Variants in UGT1A9 observed in about 807,000 individuals in gnomAD.
UGT1A9 encodes UDP-glucuronosyltransferase 1A9.
In UGT1A9, 35 loss-of-function variants were observed where a neutral mutation model predicts 45.0. The ratio of observed to expected loss-of-function variants is 0.78; its 90% CI spans 0.59 to 1.03. The LOEUF is 1.03. Ranked by LOEUF, UGT1A9 falls within the 50% of genes least tolerant of loss-of-function variation. The pLI is 0.00. For missense variants in UGT1A9, 687 were observed against 666.6 expected (o/e 1.03, Z -0.34); for synonymous variants, 278 against 250.6 (o/e 1.11, Z -1.03).
At position 233,673,547 on chromosome 2, in the gene UGT1A9, T is replaced by C. The variant is rs371057259; in HGVS notation, c.855+758T>C. 6.6e-5 allele frequency among the ~76,000 whole-genome samples: 10 copies of C among 152,272 alleles called. No individual in the cohort carries two copies. The East Asian group carries it at 1.9e-3, about 29-fold the overall frequency. On this transcript the variant is annotated intron_variant, in intron 1 of 4. Coordinates refer to ENST00000354728, the MANE Select transcript of UGT1A9 (RefSeq NM_021027.3). ...CAGGATTTCCATGAATTGAGAAGGA[T>C]TGGCATTTTTTTGCTATTGTGTCTT...
intron 1 of UGT1A9, among the ~76,000 whole-genome samples, chr2:233,758,520 T>A (rs1404036248): frequency 1.3e-5 from 2 of 152,094 alleles, no homozygotes; most frequent in African/African-American, 4.8e-5. Context: ...CAACAAAGAG[T>A]GAAAGCATTG....
rs751408172 is a variant in UGT1A9, at chr2:233,768,227, G to C, written c.1083G>C (p.Pro361=). Residue 361 remains proline, a synonymous_variant, in exon 4 of 5, where the codon CCG becomes CCC. Coordinates refer to ENST00000354728, the MANE Select transcript of UGT1A9 (RefSeq NM_021027.3). ...CCCTATTTTGCATCTCAGGTCACCCGATGACCCGTGCCTTTATCACCCATG... is the reference window on the plus strand; with the variant it reads ...CCCTATTTTGCATCTCAGGTCACCCCATGACCCGTGCCTTTATCACCCATG... ...WLPQNDLLGH[P]MTRAFITHAG... The C allele has an allele frequency of 5.0e-6, 8 of 1,614,014 alleles. No homozygotes were observed. The African/African-American group carries it at 8.0e-5, about 16-fold the overall frequency.
intron 1 of UGT1A9, chr2:233,747,764 C>A: frequency 6.2e-7 from 1 of 1,613,426 alleles, no homozygotes; most frequent in Non-Finnish European, 8.5e-7. Context: ...ACTTTAAGGG[C>A]ACACAGTGTC....
At position 233,732,958 on chromosome 2, in the gene UGT1A9, C is replaced by T. The variant is rs75520741; in HGVS notation, c.856-34076C>T. Among the ~76,000 whole-genome samples, 102 of 152,154 alleles carry T rather than the reference C, an allele frequency of 6.7e-4. 1 individual carries two copies. Among genetic ancestry groups the T allele is most frequent in the Non-Finnish European group, 1.2e-3 (82 of 67,996 alleles). ...TATCCATGAGCATGGAATGTTCTTC[C>T]ATTTGTTTGTGTCTTCTTTTATTTC... On this transcript the variant is annotated intron_variant, in intron 1 of 4. Coordinates refer to ENST00000354728, the MANE Select transcript of UGT1A9 (RefSeq NM_021027.3).
chr2:233,719,009 A>G (rs762473757), intron 1 of UGT1A9: 43 of 1,614,078 alleles, frequency 2.7e-5, no homozygotes, highest in Admixed American at 2.3e-4. Flanking sequence ...TCCTCACCCC[A>G]GAGGTGAATA....
At chr2:233,765,308 T>A (rs746475199) in intron 1 of UGT1A9, among the ~76,000 whole-genome samples, 3 of 152,234 alleles carry the variant, frequency 2.0e-5, no homozygotes, top group Non-Finnish European at 4.4e-5. Flanking sequence ...CATGCACATA[T>A]TTGTTTATTG....
intron 1 of UGT1A9, chr2:233,747,755 C>T: frequency 6.2e-7 from 1 of 1,613,468 alleles, no homozygotes; most frequent in Non-Finnish European, 8.5e-7. Context: ...GTGATTTAGA[C>T]TTTAAGGGCA....
rs763548038 is a variant in UGT1A9, at chr2:233,772,319, G to T, written c.1353G>T (p.Pro451=). Residue 451 remains proline, a synonymous_variant, in exon 5 of 5, where the codon CCG becomes CCT. Coordinates refer to ENST00000354728, the MANE Select transcript of UGT1A9 (RefSeq NM_021027.3). ...SSLHKDRPVE[P]LDLAVFWVEF... ...TTCACAAGGACCGCCCGGTGGAGCC[G>T]CTGGACCTGGCCGTGTTCTGGGTGG... 6.2e-7 allele frequency: 1 copy of T among 1,614,164 alleles called. No homozygotes were observed. The highest frequency in any genetic ancestry group is 8.5e-7 in the Non-Finnish European group (1 of 1,180,030).
rs566107268 is a variant in UGT1A9, at chr2:233,719,129, AG to A, written c.855+46341del. 2.1e-4 allele frequency: 332 copies of A among 1,614,276 alleles called. No individual in the cohort carries two copies. The Middle Eastern group carries it at 2.1e-3, about 10-fold the overall frequency. On this transcript the variant is annotated intron_variant, in intron 1 of 4. Coordinates refer to ENST00000354728, the MANE Select transcript of UGT1A9 (RefSeq NM_021027.3). ...GCTACACTCAAGGGTTCTTTGAAAC[AG>A]AACATCTTCTGAAGAGATATTCTAG... is the stretch of plus-strand genomic sequence containing the variant.
chr2:233,743,984 C>T (rs1692627890), intron 1 of UGT1A9: 2 of 1,291,724 alleles, frequency 1.5e-6, no homozygotes, highest in South Asian at 1.3e-5. Context: ...CACCCAGGCG[C>T]AGGCCCGAGT....
intron 1 of UGT1A9, chr2:233,713,866 T>C (rs1467749451): frequency 2.5e-6 from 4 of 1,613,892 alleles, no homozygotes; most frequent in Non-Finnish European, 3.4e-6. Flanking sequence ...CAGGTCTGTA[T>C]TGGTGCCTTT....
At chr2:233,767,733 C>A in intron 2 of UGT1A9, 116 bp from the exon 3 acceptor site, 1 of 1,566,288 alleles carries the variant, frequency 6.4e-7, no homozygotes, top group Non-Finnish European at 8.7e-7. Flanking sequence ...CTGATCCTCC[C>A]ACTCTGTTAA....
intron 1 of UGT1A9, among the ~76,000 whole-genome samples, chr2:233,733,071 A>G (rs1267535040): frequency 6.6e-6 from 1 of 152,128 alleles, no homozygotes; most frequent in African/African-American, 2.4e-5. Context: ...TCTTTGTAGC[A>G]ATTGTGAATG....
At chr2:233,701,516 T>C (rs1007365654) in intron 1 of UGT1A9, among the ~76,000 whole-genome samples, 21 of 152,106 alleles carry the variant, frequency 1.4e-4, no homozygotes, top group Non-Finnish European at 2.6e-4. Flanking sequence ...TACAGAACTC[T>C]CCACCCCAAA....
chr2:233,748,135 T>C (rs1220195478), intron 1 of UGT1A9: 2 of 1,609,160 alleles, frequency 1.2e-6, no homozygotes, highest in South Asian at 1.1e-5. Flanking sequence ...TTTTTAAAAA[T>C]TGTATTTACT....
At chr2:233,713,841 G>A (rs754082390) in intron 1 of UGT1A9, 101 of 1,614,008 alleles carry the variant, frequency 6.3e-5, no homozygotes, top group East Asian at 1.1e-4. Flanking sequence ...CTGTGCCAAC[G>A]GGAAGCCACT....
intron 1 of UGT1A9, among the ~76,000 whole-genome samples, chr2:233,706,653 C>T (rs940333548): frequency 1.3e-5 from 2 of 152,184 alleles, no homozygotes; most frequent in African/African-American, 4.8e-5. Flanking sequence ...TGCCCCATCA[C>T]TGTAGGTCTG....
chr2:233,685,319 C>T (rs915845049), intron 1 of UGT1A9, among the ~76,000 whole-genome samples: 2 of 152,088 alleles, frequency 1.3e-5, no homozygotes, highest in South Asian at 4.1e-4. Context: ...AGGTGTGAAC[C>T]ACCACACCCG....
Position 233,672,599 on chromosome 2 carries a change from G to GT in UGT1A9, c.671dup (p.Lys225GlnfsTer9), listed in dbSNP as rs773814470. 2.5e-6 allele frequency: 4 copies of GT among 1,613,822 alleles called. No individual in the cohort carries two copies. The highest frequency in any genetic ancestry group is 3.4e-6 in the Non-Finnish European group (4 of 1,179,804). On this transcript the variant is annotated frameshift_variant, in exon 1 of 5. Coordinates refer to ENST00000354728, the MANE Select transcript of UGT1A9 (RefSeq NM_021027.3). LOFTEE classifies it high-confidence loss of function. ...TTGGAGGAACATTTATTATGCCACC[G>GT]TTTTTTCAAAAATGCCCTAGAAATA...
Sources: allele counts gnomAD v4.1 joint callset (sites outside exome capture counted in the v4.1 genomes callset), GRCh38; gene constraint gnomAD v4.1.1; transcripts MANE v1.5; gene names NCBI Gene and HGNC (gene_info 2026-07-23, HGNC 2026-07-21).